Variants in SORBS2 observed in about 807,000 individuals in gnomAD.
The protein encoded by SORBS2 is sorbin and SH3 domain-containing protein 2.
SORBS2 carries 46 observed loss-of-function variants against 97.7 expected under a neutral mutation model. The ratio of observed to expected loss-of-function variants is 0.47; its 90% CI spans 0.37 to 0.60. The LOEUF is 0.60. SORBS2 is among the 20% of genes least tolerant of loss of function. The probability of loss-of-function intolerance (pLI) is 0.00; values close to 1 mark genes in which losing one functional copy is unlikely to be tolerated. For synonymous variants in SORBS2, 476 were observed against 473.4 expected (o/e 1.01, Z -0.07); for missense variants, 1,316 against 1,282.3 (o/e 1.03, Z -0.40).
At chr4:185,678,760 A>C in intron 3 of SORBS2, 36 bp downstream of exon 6, 1 of 1,381,774 alleles carries the variant, frequency 7.2e-7, no homozygotes. Flanking sequence ...AAAGTCACAA[A>C]TAATATAATA....
intron 2 of SORBS2, among the ~76,000 whole-genome samples, chr4:185,741,583 G>C (rs1230442941): frequency 6.6e-6 from 1 of 151,658 alleles, no homozygotes; most frequent in Admixed American, 6.6e-5. Flanking sequence ...TGACCAGGCT[G>C]GTCTCAAACT....
Position 185,638,857 on chromosome 4 carries a change from T to G in SORBS2, c.396+7811A>C. 1 of 1,434,526 alleles carries G rather than the reference T, an allele frequency of 7.0e-7. No homozygotes were observed. Among genetic ancestry groups the G allele is most frequent in the South Asian group, 1.5e-5 (1 of 64,744 alleles). The allele number at this position is 1,434,526 out of a possible 1,614,324, so 88.9% of individuals were successfully genotyped here. ...CACCTCTGCCGGGCATGAAGAAAGG[T>G]AAGGAAGGAAGGAGCTCACCCGGGT... On this transcript the variant is annotated intron_variant, in intron 4 of 14. Transcript: ENST00000418609.
chr4:185,708,881 TCTA>T (rs1373110452), intron 2 of SORBS2, among the ~76,000 whole-genome samples: 2 of 152,264 alleles, frequency 1.3e-5, no homozygotes, highest in Admixed American at 1.3e-4. Flanking sequence ...ACTTTTATAA[TCTA>T]CTACTATCTT....
At chr4:185,827,333 T>TCACCATCAC (rs2099201296) in intron 1 of SORBS2, among the ~76,000 whole-genome samples, 3 of 550 alleles carry the variant, frequency 5.5e-3, no homozygotes, top group Non-Finnish European at 9.4e-3. Flanking sequence ...ATCATCATCA[T>TCACCATCAC]CATCATCATC....
At chr4:185,722,392 G>A (rs770564139) in intron 2 of SORBS2, among the ~76,000 whole-genome samples, 41 of 152,062 alleles carry the variant, frequency 2.7e-4, no homozygotes, top group Admixed American at 2.6e-3. Flanking sequence ...CATTCATGTG[G>A]GCATTTAATT....
rs2096746677 is a variant in SORBS2, at chr4:185,623,206, G to A, written c.1923C>T (p.Asp641=). The change falls in exon 7 of 15, where the codon GAC becomes GAT. Residue 641 remains aspartate (D), a synonymous_variant. Coordinates refer to ENST00000418609, the Ensembl canonical transcript of SORBS2. The surrounding 1 kb of genome is among the most constrained non-coding windows in gnomAD (Gnocchi z 6.4). ...TTTCAGCTTTAATTTGGTCACAGAT[G>A]TCTTTAAGGGCAGAGTCCAGAGCCT... The A allele has an allele frequency of 6.2e-7, 1 of 1,614,118 alleles. No individual in the cohort carries two copies. Among genetic ancestry groups the A allele is most frequent in the Non-Finnish European group, 8.5e-7 (1 of 1,180,036 alleles).
At chr4:185,691,429 A>G (rs1479685545) in intron 2 of SORBS2, among the ~76,000 whole-genome samples, 3 of 152,204 alleles carry the variant, frequency 2.0e-5, no homozygotes, top group Admixed American at 1.3e-4. Context: ...TTTGTTCTCT[A>G]AGCCTGAAAT....
At chr4:185,845,929 G>A (rs974220640) in intron 1 of SORBS2, among the ~76,000 whole-genome samples, 2 of 151,654 alleles carry the variant, frequency 1.3e-5, no homozygotes, top group Non-Finnish European at 2.9e-5. Flanking sequence ...AGGATGTGGA[G>A]CAACAGGAGC....
At chr4:185,857,730 G>A (rs11728712) in intron 1 of SORBS2, among the ~76,000 whole-genome samples, 34,996 of 152,098 alleles carry the variant, frequency 0.23, 4,505 homozygotes, top group Middle Eastern at 0.34. Flanking sequence ...CGCTCTGGGA[G>A]TGTCTGTCTT....
chr4:185,916,941 C>T (rs894860634), intron 1 of SORBS2, among the ~76,000 whole-genome samples: 1 of 152,186 alleles, frequency 6.6e-6, no homozygotes, highest in African/African-American at 2.4e-5. Context: ...GGCTGGGTAC[C>T]AGAAAGACCA....
intron 2 of SORBS2, among the ~76,000 whole-genome samples, chr4:185,680,287 G>T (rs549552289): frequency 3.9e-5 from 6 of 152,300 alleles, no homozygotes; most frequent in African/African-American, 1.4e-4. Flanking sequence ...GGGACTACAG[G>T]TATGTGCCAC....
chr4:185,895,663 C>T (rs925202825), intron 1 of SORBS2, among the ~76,000 whole-genome samples: 7 of 152,176 alleles, frequency 4.6e-5, no homozygotes, highest in South Asian at 2.1e-4. Context: ...CTGATTGGCC[C>T]GGACAGGTCA....
At chr4:185,718,237 A>T (rs1405678408) in intron 2 of SORBS2, among the ~76,000 whole-genome samples, 2 of 152,212 alleles carry the variant, frequency 1.3e-5, no homozygotes, top group Admixed American at 1.3e-4. Context: ...AAAGAAAAAA[A>T]AAAAGAAAAT....
chr4:185,930,471 GTA>G lies in SORBS2; in HGVS notation c.-338+25723_-338+25724del, dbSNP rs2099265897. 2.0e-5 allele frequency among the ~76,000 whole-genome samples: 3 copies of G among 151,946 alleles called. No individual in the cohort carries two copies. In the South Asian group the frequency reaches 6.2e-4, roughly 32 times the overall value. On this transcript the variant is annotated intron_variant, in intron 1 of 20. Coordinates refer to the SORBS2 transcript ENST00000284776. ...CACCACCACGCCCGGCTAATTTTTTGTATTTTTTAGTACAGACAGGGTTTCAC... is the reference window on the plus strand; with the variant it reads ...CACCACCACGCCCGGCTAATTTTTTGTTTTTTAGTACAGACAGGGTTTCAC...
intron 12 of SORBS2, among the ~76,000 whole-genome samples, chr4:185,602,075 G>A (rs1393089870): frequency 6.6e-6 from 1 of 151,880 alleles, no homozygotes; most frequent in African/African-American, 2.4e-5. Context: ...CAGTGGCACG[G>A]TCTCGGCTCA....
intron 5 of SORBS2, among the ~76,000 whole-genome samples, chr4:185,627,586 A>T (rs1047978712): frequency 1.3e-5 from 2 of 152,250 alleles, no homozygotes; most frequent in African/African-American, 2.4e-5. Flanking sequence ...GAGTTTCCTT[A>T]TAGTCCCTTT....
At chr4:185,820,149 C>T (rs1030849316) in intron 1 of SORBS2, among the ~76,000 whole-genome samples, 3 of 152,048 alleles carry the variant, frequency 2.0e-5, no homozygotes, top group Admixed American at 1.3e-4. Context: ...TGGACCAGAG[C>T]GTCAAAAAGC....
At chr4:185,911,213 G>C (rs946072968) in intron 1 of SORBS2, among the ~76,000 whole-genome samples, 4 of 151,954 alleles carry the variant, frequency 2.6e-5, no homozygotes, top group African/African-American at 9.7e-5. Context: ...TGTCCAAGAG[G>C]CTTCAAAATT....
chr4:185,631,789 AAAAACAAAAC>A (rs779345172), intron 4 of SORBS2, among the ~76,000 whole-genome samples: 2 of 137,592 alleles, frequency 1.5e-5, no homozygotes, highest in Non-Finnish European at 3.0e-5. Context: ...AAAACAACAA[AAAAACAAAAC>A]AAAACAAAAC....
Sources: allele counts gnomAD v4.1 joint callset (sites outside exome capture counted in the v4.1 genomes callset), GRCh38; gene constraint gnomAD v4.1.1; non-coding constraint Gnocchi (gnomAD v3.1); transcripts MANE v1.5; gene names NCBI Gene and HGNC (gene_info 2026-07-23, HGNC 2026-07-21).